The following CRH variants were observed in gnomAD, a reference collection of about 807,000 sequenced individuals.
The protein encoded by CRH is corticotropin releasing hormone.
CRH carries 6 observed loss-of-function variants against 11.1 expected under a neutral mutation model. The ratio of observed to expected loss-of-function variants is 0.54; its 90% confidence interval spans 0.30 to 1.07. The LOEUF (loss-of-function observed/expected upper bound fraction) is 1.07, where lower values mean the gene tolerates loss of function less well. Ranked by LOEUF, CRH falls within the 50% of genes least tolerant of loss-of-function variation. The pLI is 0.07. For missense variants in CRH, 289 were observed against 269.4 expected, an observed-to-expected ratio of 1.07 and a Z score of -0.51; for synonymous variants, 155 against 132.0, an observed-to-expected ratio of 1.17 and a Z score of -1.19.
At position 66,176,947 on chromosome 8, in the gene CRH, G is replaced by T. The variant is rs1185000068; in HGVS notation, c.531C>A (p.Ala177=). 2 of 1,613,806 alleles carry T rather than the reference G, an allele frequency of 1.2e-6. No individual in the cohort carries two copies. Among genetic ancestry groups the T allele is most frequent in the African/African-American group, 2.7e-5 (2 of 74,866 alleles). ...LLREVLEMAR[A]EQLAQQAHSN... ...TGTGAGCTTGCTGTGCTAACTGCTC[G>T]GCCCTGGCCATTTCCAAGACTTCCC... is the stretch of plus-strand genomic sequence containing the variant. The change falls in exon 2 of 2, where the codon GCC becomes GCA. Residue 177 remains alanine, a synonymous_variant. Transcript: ENST00000276571.
chr8:66,177,035 G>A lies in CRH; in HGVS notation c.443C>T (p.Pro148Leu). The change falls in exon 2 of 2, where the codon CCG (proline) becomes CTG (leucine). Residue 148 changes from proline (P) to leucine (L), a missense_variant. Pro to Leu is a moderately conservative substitution (Grantham distance 98, BLOSUM62 -3). This residue lies in a region of CRH where 261 missense variants were observed against 219.0 expected (regional missense o/e 1.19). Coordinates refer to ENST00000276571, the MANE Select transcript of CRH (RefSeq NM_000756.4). ...CTCCTCGGACCGCCTTTCTCTCTCC[G>A]GTGCCTCCTGGTGGCCGCCGAGGGC... ...RNALGGHQEA[P>L]ERERRSEEPP... 1 of 1,613,218 alleles carries A rather than the reference G, an allele frequency of 6.2e-7. No homozygotes were observed. The highest frequency in any genetic ancestry group is 8.5e-7 in the Non-Finnish European group (1 of 1,179,548).
In CRH at chr8:66,177,198, G is replaced by A. The variant is rs1206766588; in HGVS notation, c.280C>T (p.Leu94Phe). 5 of 1,541,156 alleles carry A rather than the reference G, an allele frequency of 3.2e-6. No homozygotes were observed. The East Asian group carries it at 1.2e-4, about 38-fold the overall frequency. ...AAPLSPASSL[L>F]AGGSGSRPSP... ...GGGCGGCTGCCGCTGCCTCCGGCGA[G>A]GAGCGAGGAGGCGGGCGAAAGGGGA... Residue 94 changes from leucine (L) to phenylalanine (F), a missense_variant, in exon 2 of 2, where the codon CTC (leucine) becomes TTC (phenylalanine). Coordinates refer to ENST00000276571, the MANE Select transcript of CRH (RefSeq NM_000756.4).
Position 66,177,069 on chromosome 8 carries a change from C to G in CRH, c.409G>C (p.Ala137Pro), listed in dbSNP as rs1385958954. Residue 137 changes from alanine to proline, a missense_variant, in exon 2 of 2, where the codon GCT (alanine) becomes CCT (proline). Transcript: ENST00000276571. The stretch of plus-strand genomic sequence containing the variant: ...TGGTGGCCGCCGAGGGCATTCCTAG[C>G]GCCGCGCTCCGCGAGAGCCGCGGGG... ...DSPAALAERGARNALGGHQEA... is the reference protein window; with the variant it reads ...DSPAALAERGPRNALGGHQEA... 1.1e-5 allele frequency: 18 copies of G among 1,605,354 alleles called. No homozygotes were observed. Among genetic ancestry groups the G allele is most frequent in the Non-Finnish European group, 1.5e-5 (18 of 1,175,246 alleles).
In CRH at chr8:66,176,607, G is replaced by C. The variant is rs1586278396; in HGVS notation, c.*280C>G. 1 of 233,960 alleles carries C rather than the reference G, an allele frequency of 4.3e-6. No homozygotes were observed. The highest frequency in any genetic ancestry group is 8.1e-6 in the Non-Finnish European group (1 of 123,958). 14.5% of individuals were successfully genotyped at this position (233,960 alleles called of 1,614,324 possible). A position where few individuals can be genotyped will look rare whatever the true frequency, so the allele number is the denominator to read the frequency against. On this transcript the variant is annotated 3_prime_UTR_variant, in exon 2 of 2. Transcript: ENST00000276571. ...TTCTGTCTGCTTTTTCAAACAAAAC[G>C]TTTTCTCACAGGTCTACATTCTCTT...
In CRH at chr8:66,177,144, A is replaced by C; in HGVS notation, c.334T>G (p.Phe112Val). 1 of 1,548,188 alleles carries C rather than the reference A, an allele frequency of 6.5e-7. No individual in the cohort carries two copies. Among genetic ancestry groups the C allele is most frequent in the Non-Finnish European group, 8.7e-7 (1 of 1,147,006 alleles). Reference protein sequence around the residue: ...PSPEQATANFFRVLLQQLLLP... With the variant: ...PSPEQATANFVRVLLQQLLLP... Reference sequence around the variant, plus strand: ...AGCAGCTGCTGCAGCAACACGCGGAAAAAGTTGGCGGTCGCCTGTTCCGGC... The same window carrying C: ...AGCAGCTGCTGCAGCAACACGCGGACAAAGTTGGCGGTCGCCTGTTCCGGC... Residue 112 changes from phenylalanine to valine, a missense_variant, in exon 2 of 2, where the codon TTC (phenylalanine) becomes GTC (valine). Physicochemically the swap from Phe to Val is conservative, Grantham distance 50 (BLOSUM62 -1). This residue lies in a region of CRH where 261 missense variants were observed against 219.0 expected (regional missense o/e 1.19). Coordinates refer to ENST00000276571, the MANE Select transcript of CRH (RefSeq NM_000756.4).
At position 66,177,351 on chromosome 8, in the gene CRH, G is replaced by A. The variant is rs1811920586; in HGVS notation, c.127C>T (p.Pro43Ser). The A allele has an allele frequency of 1.3e-6, 2 of 1,549,056 alleles. No homozygotes were observed. The highest frequency in any genetic ancestry group is 1.7e-6 in the Non-Finnish European group (2 of 1,151,904). Residue 43 changes from proline to serine, a missense_variant, in exon 2 of 2, where the codon CCC (proline) becomes TCC (serine). By Grantham distance (74) the Pro-to-Ser change is moderately conservative. This residue lies in a region of CRH where 261 missense variants were observed against 219.0 expected (regional missense o/e 1.19). Coordinates refer to ENST00000276571, the MANE Select transcript of CRH (RefSeq NM_000756.4). ...GGCGGCGGCTGGAAGAAATCCAAGG[G>A]CTGAGGGTGCTGCGGCGCCTGCCGA... Reference protein sequence around the residue: ...GARQAPQHPQPLDFFQPPPQS... With the variant: ...GARQAPQHPQSLDFFQPPPQS...
In CRH at chr8:66,177,501, AG is replaced by A; in HGVS notation, c.-14-11del. ...ATGTTAGGGGCACTCGCTGCGGCAC[AG>A]AGGTGGGCGGAGGGCGGAATGAGAG... is the stretch of plus-strand genomic sequence containing the variant. On this transcript the variant is annotated splice_polypyrimidine_tract_variant and intron_variant, in intron 1 of 1. Coordinates refer to ENST00000276571, the MANE Select transcript of CRH (RefSeq NM_000756.4). 6.6e-7 allele frequency: 1 copy of A among 1,524,538 alleles called. No individual in the cohort carries two copies. The highest frequency in any genetic ancestry group is 8.8e-7 in the Non-Finnish European group (1 of 1,142,506). 94.4% of individuals were successfully genotyped at this position (1,524,538 alleles called of 1,614,324 possible). A position where few individuals can be genotyped will look rare whatever the true frequency, so the allele number is the denominator to read the frequency against.
In CRH at chr8:66,176,941, C is replaced by T; in HGVS notation, c.537G>A (p.Gln179=). 2.5e-6 allele frequency: 4 copies of T among 1,613,892 alleles called. No individual in the cohort carries two copies. Among genetic ancestry groups the T allele is most frequent in the Non-Finnish European group, 3.4e-6 (4 of 1,179,854 alleles). ...REVLEMARAE[Q]LAQQAHSNRK... ...TGTTGCTGTGAGCTTGCTGTGCTAA[C>T]TGCTCGGCCCTGGCCATTTCCAAGA... The change falls in exon 2 of 2, where the codon CAG becomes CAA. Residue 179 remains glutamine (Q), a synonymous_variant. Transcript: ENST00000276571.
chr8:66,177,819 G>A (rs983167333), intron 1 of CRH, among the ~76,000 whole-genome samples: 9 of 152,154 alleles, frequency 5.9e-5, no homozygotes, highest in South Asian at 2.1e-4. Context: ...CGATCCTAGA[G>A]AAGAGCCACA....
rs1811905813 is a variant in CRH at position 66,176,824 on chromosome 8, T to C, written c.*63A>G. 4 of 1,517,914 alleles carry C rather than the reference T, an allele frequency of 2.6e-6. 1 individual carries two copies. Among genetic ancestry groups the C allele is most frequent in the African/African-American group, 2.8e-5 (2 of 71,604 alleles). The allele number at this position is 1,517,914 out of a possible 1,614,324, so 94.0% of individuals were successfully genotyped here. On this transcript the variant is annotated 3_prime_UTR_variant, in exon 2 of 2. Transcript: ENST00000276571. ...ATAAGAGCAGCGCTATGGTACAGAA[T>C]ACTGTATTTTTTTAAATTTTTTTTG...
Position 66,177,227 on chromosome 8 carries a change from G to A in CRH, c.251C>T (p.Ala84Val), listed in dbSNP as rs1471871207. The stretch of plus-strand genomic sequence containing the variant: ...CGAGGAGGCGGGCGAAAGGGGAGCG[G>A]CCGGGCTCTTGTTGAGGTTCCCCAG... ...LRLGNLNKSP[A>V]APLSPASSLL... Residue 84 changes from alanine to valine, a missense_variant, in exon 2 of 2, where the codon GCC becomes GTC. By Grantham distance (64) the Ala-to-Val change is moderately conservative (BLOSUM62 0). Coordinates refer to ENST00000276571, the MANE Select transcript of CRH (RefSeq NM_000756.4). 5 of 1,541,110 alleles carry A rather than the reference G, an allele frequency of 3.2e-6. No homozygotes were observed. Among genetic ancestry groups the A allele is most frequent in the Admixed American group, 3.9e-5 (2 of 51,158 alleles).
At position 66,176,767 on chromosome 8, in the gene CRH, T is replaced by C. The variant is rs1413946318; in HGVS notation, c.*120A>G. ...TAGGCTCTCTCCCTCTCTCCCTCTA[T>C]GTTTCAAGCTATATAAAAATAAACA... On this transcript the variant is annotated 3_prime_UTR_variant, in exon 2 of 2. Transcript: ENST00000276571. 4.1e-5 allele frequency: 52 copies of C among 1,275,354 alleles called. No homozygotes were observed. Among genetic ancestry groups the C allele is most frequent in the Non-Finnish European group, 5.3e-5 (51 of 959,152 alleles). The allele number at this position is 1,275,354 out of a possible 1,614,324, so 79.0% of individuals were successfully genotyped here. A position where few individuals can be genotyped will look rare whatever the true frequency, so the allele number is the denominator to read the frequency against.
At chr8:66,177,689 C>T (rs1306067209) in intron 1 of CRH, among the ~76,000 whole-genome samples, 198 bp from the exon 2 acceptor site, 2 of 152,260 alleles carry the variant, frequency 1.3e-5, no homozygotes, top group Admixed American at 1.3e-4. Context: ...GGAAAGGGGG[C>T]GCCTGCAGGG....
At position 66,177,081 on chromosome 8, in the gene CRH, C is replaced by G. The variant is rs1811911404; in HGVS notation, c.397G>C (p.Ala133Pro). ...AGGGCATTCCTAGCGCCGCGCTCCG[C>G]GAGAGCCGCGGGGCTGTCGAGCGAG... ...RRSLDSPAAL[A>P]ERGARNALGG... is the part of the protein sequence containing the mutation. Residue 133 changes from alanine (A) to proline (P), a missense_variant, in exon 2 of 2, where the codon GCG becomes CCG. Ala to Pro is a conservative substitution (Grantham distance 27). Transcript: ENST00000276571. 2 of 1,599,532 alleles carry G rather than the reference C, an allele frequency of 1.3e-6. No homozygotes were observed. Among genetic ancestry groups the G allele is most frequent in the East Asian group, 2.3e-5 (1 of 44,388 alleles).
chr8:66,177,904 G>T (rs1044342680), intron 1 of CRH, among the ~76,000 whole-genome samples: 5 of 151,736 alleles, frequency 3.3e-5, no homozygotes, highest in African/African-American at 1.2e-4. Flanking sequence ...GAGAACTACT[G>T]CCTCATGGTC....
Position 66,176,786 on chromosome 8 carries a change from A to C in CRH, c.*101T>G, listed in dbSNP as rs1811905196. On this transcript the variant is annotated 3_prime_UTR_variant, in exon 2 of 2. Transcript: ENST00000276571. Reference sequence around the variant, plus strand: ...CCTCTATGTTTCAAGCTATATAAAAATAAACAAATGGCATAAGAGCAGCGC... The same window carrying C: ...CCTCTATGTTTCAAGCTATATAAAACTAAACAAATGGCATAAGAGCAGCGC... 1 of 1,397,458 alleles carries C rather than the reference A, an allele frequency of 7.2e-7. No homozygotes were observed. The highest frequency in any genetic ancestry group is 3.0e-5 in the Admixed American group (1 of 33,654). 86.6% of individuals were successfully genotyped at this position (1,397,458 alleles called of 1,614,324 possible).
chr8:66,177,233 C>G lies in CRH; in HGVS notation c.245G>C (p.Ser82Thr). 6.5e-7 allele frequency: 1 copy of G among 1,541,862 alleles called. No homozygotes were observed. The highest frequency in any genetic ancestry group is 8.7e-7 in the Non-Finnish European group (1 of 1,147,626). ...YFLRLGNLNK[S>T]PAAPLSPASS... is the part of the protein sequence containing the mutation. Reference sequence around the variant, plus strand: ...GGCGGGCGAAAGGGGAGCGGCCGGGCTCTTGTTGAGGTTCCCCAGGCGGAG... The same window carrying G: ...GGCGGGCGAAAGGGGAGCGGCCGGGGTCTTGTTGAGGTTCCCCAGGCGGAG... The change falls in exon 2 of 2, where the codon AGC (serine) becomes ACC (threonine). Residue 82 changes from serine (S) to threonine (T), a missense_variant. By Grantham distance (58) the Ser-to-Thr change is moderately conservative. Coordinates refer to ENST00000276571, the MANE Select transcript of CRH (RefSeq NM_000756.4).
At position 66,177,309 on chromosome 8, in the gene CRH, G is replaced by C. The variant is rs1163792846; in HGVS notation, c.169C>G (p.Gln57Glu). ...FQPPPQSEQP[Q>E]QPQARPVLLR... is the part of the protein sequence containing the mutation. ...AGGACCGGCCGAGCCTGCGGCTGCT[G>C]GGGCTGCTCGGACTGCGGCGGCGGC... Residue 57 changes from glutamine to glutamate, a missense_variant, in exon 2 of 2, where the codon CAG becomes GAG. By Grantham distance (29) the Gln-to-Glu change is conservative. This residue lies in a region of CRH where 261 missense variants were observed against 219.0 expected (regional missense o/e 1.19). Transcript: ENST00000276571. The C allele has an allele frequency of 1.3e-6, 2 of 1,556,466 alleles. No individual in the cohort carries two copies. The highest frequency in any genetic ancestry group is 1.7e-6 in the Non-Finnish European group (2 of 1,155,608).
rs1811940064 is a variant in CRH, at chr8:66,178,418, C to T, written c.-140G>A. Reference sequence around the variant, plus strand: ...TTCCCACTCTCTTTTTCTTTCTCTCCTCTCTTTCCCCTCAGTCTCTCAATG... The same window carrying T: ...TTCCCACTCTCTTTTTCTTTCTCTCTTCTCTTTCCCCTCAGTCTCTCAATG... On this transcript the variant is annotated 5_prime_UTR_variant, in exon 1 of 2. Transcript: ENST00000276571. 1 of 152,266 alleles carries T rather than the reference C, an allele frequency of 6.6e-6. No individual in the cohort carries two copies. The highest frequency in any genetic ancestry group is 1.5e-5 in the Non-Finnish European group (1 of 68,100). The allele number at this position is 152,266 out of a possible 1,614,324, so 9.4% of individuals were successfully genotyped here.
Sources: allele counts gnomAD v4.1 joint callset (sites outside exome capture counted in the v4.1 genomes callset), GRCh38; gene constraint gnomAD v4.1.1; regional missense constraint gnomAD v4.1.1; transcripts MANE v1.5; gene names NCBI Gene and HGNC (gene_info 2026-07-23, HGNC 2026-07-21).